Variants in ACAD11 observed in about 807,000 individuals in gnomAD.
ACAD11 encodes acyl-CoA dehydrogenase family member 11.
ACAD11 carries 83 observed loss-of-function variants against 102.2 expected under a neutral mutation model. The observed-to-expected ratio is 0.81, with a 90% CI of 0.68 to 0.97. The LOEUF (loss-of-function observed/expected upper bound fraction) is 0.97, where lower values mean the gene tolerates loss of function less well. Ranked by LOEUF, ACAD11 falls within the 50% of genes least tolerant of loss-of-function variation. The pLI is 0.00. For synonymous variants in ACAD11, 324 were observed against 319.8 expected, an observed-to-expected ratio of 1.01 and a Z score of -0.14; for missense variants, 901 against 951.7, an observed-to-expected ratio of 0.95 and a Z score of 0.70.
chr3:132,575,452 TC>T (rs1486608154), intron 17 of ACAD11, among the ~76,000 whole-genome samples: 1 of 152,192 alleles, frequency 6.6e-6, no homozygotes, highest in Non-Finnish European at 1.5e-5. Flanking sequence ...GGCAAATCCT[TC>T]TTCCTTATGA....
chr3:132,640,377 C>T (rs1940445522), intron 4 of ACAD11, among the ~76,000 whole-genome samples: 2 of 152,266 alleles, frequency 1.3e-5, no homozygotes, highest in East Asian at 1.9e-4. Flanking sequence ...CTTCAGCCAC[C>T]GCGCCCAGCC....
At chr3:132,651,230 A>T (rs956632469) in intron 1 of ACAD11, among the ~76,000 whole-genome samples, 1 of 152,118 alleles carries the variant, frequency 6.6e-6, no homozygotes, top group African/African-American at 2.4e-5. Context: ...ATCTCAGGCC[A>T]TGAGACTCTG....
chr3:132,648,759 C>G (rs562779537), intron 1 of ACAD11: 1 of 152,206 alleles, frequency 6.6e-6, no homozygotes, highest in Non-Finnish European at 1.5e-5. Context: ...AGACTCAGAC[C>G]TTCACTAACT....
intron 9 of ACAD11, among the ~76,000 whole-genome samples, chr3:132,621,468 C>A (rs1423744463): frequency 1.3e-5 from 2 of 152,124 alleles, no homozygotes; most frequent in Non-Finnish European, 1.5e-5. Context: ...ATGAAACTAT[C>A]TTTCACGAAC....
chr3:132,641,889 C>T lies in ACAD11; in HGVS notation c.537+83G>A, dbSNP rs1046897591. The T allele has an allele frequency of 3.1e-6, 4 of 1,295,782 alleles. No individual in the cohort carries two copies. The South Asian group carries it at 5.6e-5, about 18-fold the overall frequency. 80.3% of individuals were successfully genotyped at this position (1,295,782 alleles called of 1,614,324 possible). ...CATGGCCAAGCTTCAGAAAACTATA[C>T]AATAATAGCTTTTTTTGTTGACTAA... On this transcript the variant is annotated intron_variant, in intron 4 of 19. Coordinates refer to ENST00000264990, the MANE Select transcript of ACAD11 (RefSeq NM_032169.5).
At chr3:132,644,936 T>C (rs375797957) in intron 1 of ACAD11, 40 bp from the exon 2 acceptor site, 22 of 1,279,452 alleles carry the variant, frequency 1.7e-5, no homozygotes, top group African/African-American at 4.5e-5. Flanking sequence ...ATTACAAAGA[T>C]ATGTTTTCCG....
chr3:132,622,214 C>A (rs747883020), intron 9 of ACAD11, among the ~76,000 whole-genome samples: 1 of 152,062 alleles, frequency 6.6e-6, no homozygotes, highest in African/African-American at 2.4e-5. Context: ...ACTCATATAA[C>A]AATGTACTAA....
chr3:132,610,651 C>A (rs1445033049), intron 11 of ACAD11, among the ~76,000 whole-genome samples: 1 of 152,154 alleles, frequency 6.6e-6, no homozygotes, highest in East Asian at 1.9e-4. Context: ...TAGACACATA[C>A]ACCCTCCCAA....
intron 11 of ACAD11, among the ~76,000 whole-genome samples, chr3:132,612,920 T>C (rs1939220631): frequency 6.6e-6 from 1 of 152,058 alleles, no homozygotes; most frequent in South Asian, 2.1e-4. Context: ...TAAAGGCACA[T>C]GCACACGTAT....
At position 132,640,667 on chromosome 3, in the gene ACAD11, T is replaced by C. The variant is rs117836883; in HGVS notation, c.538-1011A>G. Among the ~76,000 whole-genome samples the C allele has an allele frequency of 2.4e-3, 371 of 152,300 alleles. 8 individuals are homozygous for C. The highest frequency in any genetic ancestry group is 0.018 in the East Asian group (94 of 5,178). On this transcript the variant is annotated intron_variant, in intron 4 of 19. Transcript: ENST00000264990. ...TTTAAATTATATCTAAGCCACTTAC[T>C]TGTGTATTACTTGATTGATGCAAGC...
intron 9 of ACAD11, among the ~76,000 whole-genome samples, chr3:132,626,290 A>AACAGGG (rs1939804972): frequency 7.9e-5 from 12 of 152,140 alleles, no homozygotes; most frequent in Admixed American, 7.2e-4. Flanking sequence ...GAGGGGTGGT[A>AACAGGG]GTATCTGTGA....
intron 1 of ACAD11, chr3:132,650,478 G>A (rs1176452150): frequency 1.3e-5 from 2 of 152,164 alleles, no homozygotes; most frequent in Non-Finnish European, 2.9e-5. Flanking sequence ...TGATTTGTAG[G>A]AAGTCAGTTT....
chr3:132,608,502 A>G (rs1938960033), intron 11 of ACAD11, among the ~76,000 whole-genome samples: 1 of 152,234 alleles, frequency 6.6e-6, no homozygotes, highest in Admixed American at 6.5e-5. Flanking sequence ...CTAGTTTCTA[A>G]TAAAACAGAC....
chr3:132,658,771 T>G (rs1217459165), intron 1 of ACAD11, among the ~76,000 whole-genome samples: 1 of 152,218 alleles, frequency 6.6e-6, no homozygotes, highest in Non-Finnish European at 1.5e-5. Flanking sequence ...TAAATGCTAG[T>G]GATAAAATAC....
chr3:132,566,833 G>T (rs1937227658), intron 17 of ACAD11, among the ~76,000 whole-genome samples: 1 of 152,114 alleles, frequency 6.6e-6, no homozygotes, highest in Admixed American at 6.6e-5. Context: ...CAGGAAAGAA[G>T]AAAGAACACA....
chr3:132,577,671 GA>G (rs1435813416), intron 15 of ACAD11, among the ~76,000 whole-genome samples: 1 of 152,102 alleles, frequency 6.6e-6, no homozygotes, highest in African/African-American at 2.4e-5. Flanking sequence ...AAGTTTTAGA[GA>G]TAATCTCATG....
intron 13 of ACAD11, among the ~76,000 whole-genome samples, chr3:132,599,908 T>TA (rs1263273005): frequency 6.6e-6 from 1 of 152,248 alleles, no homozygotes; most frequent in African/African-American, 2.4e-5. Flanking sequence ...AACATCAAAA[T>TA]AAAAAATAAA....
intron 5 of ACAD11, among the ~76,000 whole-genome samples, chr3:132,634,128 A>G (rs1099300): frequency 2.6e-5 from 4 of 152,160 alleles, no homozygotes; most frequent in South Asian, 4.2e-4. Context: ...GCAACCTACA[A>G]AATGGGAGAA....
At chr3:132,599,611 AGAG>A (rs1466855065) in intron 13 of ACAD11, among the ~76,000 whole-genome samples, 5 of 152,288 alleles carry the variant, frequency 3.3e-5, no homozygotes, top group East Asian at 1.9e-4. Context: ...GTGCAGATTA[AGAG>A]GAGAAGACAG....
Sources: gnomAD v4.1 joint callset for allele counts (sites outside exome capture counted in the v4.1 genomes callset) on GRCh38, gnomAD v4.1.1 for gene constraint, MANE v1.5 for transcripts, NCBI Gene and HGNC (gene_info 2026-07-23, HGNC 2026-07-21) for gene names.